The following SYT9 variants were observed in gnomAD, a reference collection of about 807,000 sequenced individuals.
The protein encoded by SYT9 is synaptotagmin 9, also known as synaptotagmin-9.
SYT9 carries 22 observed loss-of-function variants against 48.4 expected under a neutral mutation model. The observed-to-expected ratio is 0.45, with a 90% CI of 0.32 to 0.65. SYT9 has a LOEUF of 0.65. Among genes scored for constraint, SYT9 ranks in the 30% least tolerant of loss-of-function variants. SYT9 has a pLI of 0.03. For synonymous variants in SYT9, 265 were observed against 245.0 expected (o/e 1.08, Z -0.76); for missense variants, 577 against 622.0 (o/e 0.93, Z 0.77).
At position 7,309,874 on chromosome 11, in the gene SYT9, G is replaced by A. The variant is rs1298453366; in HGVS notation, c.498-3521G>A. On this transcript the variant is annotated intron_variant, in intron 2 of 6. Coordinates refer to ENST00000318881, the MANE Select transcript of SYT9 (RefSeq NM_175733.4). ...CTTCCGTGCCTCTCCCCGAACTCCA[G>A]TAAACTCTAACTCTCTTCTGAATGG... Among the ~76,000 whole-genome samples the A allele has an allele frequency of 2.0e-5, 3 of 152,182 alleles. No homozygotes were observed. In the East Asian group the frequency reaches 5.8e-4, roughly 30 times the overall value.
intron 3 of SYT9, among the ~76,000 whole-genome samples, chr11:7,384,377 A>C (rs994448375): frequency 6.6e-6 from 1 of 152,080 alleles, no homozygotes. Flanking sequence ...TGAGTTCTTG[A>C]TCTCTCCCAT....
chr11:7,305,723 A>G (rs1849018676), intron 2 of SYT9, among the ~76,000 whole-genome samples: 2 of 152,076 alleles, frequency 1.3e-5, no homozygotes, highest in South Asian at 4.1e-4. Context: ...CCCTGCCGAC[A>G]CCGTCTTACT....
At chr11:7,451,684 T>C (rs968241628) in intron 6 of SYT9, among the ~76,000 whole-genome samples, 7 of 152,140 alleles carry the variant, frequency 4.6e-5, no homozygotes, top group African/African-American at 1.2e-4. Context: ...GTTGGAACTA[T>C]CCGGAAAAGT....
intron 3 of SYT9, among the ~76,000 whole-genome samples, chr11:7,318,418 A>G (rs1361747612): frequency 2.6e-5 from 4 of 151,772 alleles, no homozygotes; most frequent in Non-Finnish European, 4.4e-5. Flanking sequence ...GGTTCAAGTG[A>G]TTCTCCTGCC....
chr11:7,464,171 T>C (rs78880186), intron 6 of SYT9, among the ~76,000 whole-genome samples: 7,669 of 152,064 alleles, frequency 0.05, 203 homozygotes, highest in East Asian at 0.074. Flanking sequence ...CACAGAACTG[T>C]GGGGGCAAAC....
At chr11:7,274,289 TCTTTC>T (rs886258699) in intron 1 of SYT9, among the ~76,000 whole-genome samples, 4 of 151,382 alleles carry the variant, frequency 2.6e-5, no homozygotes, top group African/African-American at 9.7e-5. Context: ...GATTCTACAC[TCTTTC>T]CTTATATCTG....
intron 1 of SYT9, among the ~76,000 whole-genome samples, chr11:7,291,159 C>T (rs191648493): frequency 1.8e-3 from 280 of 152,314 alleles, no homozygotes; most frequent in African/African-American, 6.5e-3. Context: ...TTTGGTTGAA[C>T]TCAACAGAAT....
At chr11:7,360,675 T>G (rs1353959955) in intron 3 of SYT9, among the ~76,000 whole-genome samples, 3 of 152,212 alleles carry the variant, frequency 2.0e-5, no homozygotes, top group African/African-American at 7.2e-5. Context: ...ATAGCTTTAT[T>G]CATAAAGGCA....
At chr11:7,245,604 G>GA (rs967814579) in intron 1 of SYT9, among the ~76,000 whole-genome samples, 5 of 152,090 alleles carry the variant, frequency 3.3e-5, no homozygotes, top group African/African-American at 9.6e-5. Flanking sequence ...AATTTAAAAA[G>GA]AAAAAACATT....
rs1279910938 is a variant in SYT9 at position 7,252,412 on chromosome 11, C to T, written c.145+81C>T. 5 of 1,327,250 alleles carry T rather than the reference C, an allele frequency of 3.8e-6. No homozygotes were observed. Among genetic ancestry groups the T allele is most frequent in the East Asian group, 3.1e-5 (1 of 32,052 alleles). The allele number at this position is 1,327,250 out of a possible 1,614,324, so 82.2% of individuals were successfully genotyped here. The stretch of plus-strand genomic sequence containing the variant: ...GGCCGCACCGGGGCCTGAGGCAGAA[C>T]AGCGACGCGGACTGGGAGAGGGCGG... On this transcript the variant is annotated intron_variant, in intron 1 of 6. Coordinates refer to ENST00000318881, the MANE Select transcript of SYT9 (RefSeq NM_175733.4). This position sits in a 1 kb window ranked among gnomAD's most constrained non-coding sequence, Gnocchi z 6.3.
At chr11:7,316,228 C>T (rs1224069779) in intron 3 of SYT9, among the ~76,000 whole-genome samples, 1 of 151,926 alleles carries the variant, frequency 6.6e-6, no homozygotes, top group Non-Finnish European at 1.5e-5. Context: ...AAGAATAGAA[C>T]ATTACTTCTA....
At chr11:7,311,591 G>A (rs1416320445) in intron 2 of SYT9, among the ~76,000 whole-genome samples, 9 of 152,208 alleles carry the variant, frequency 5.9e-5, no homozygotes, top group Admixed American at 5.2e-4. Context: ...TATTGAGGAT[G>A]CACTTTTATC....
intron 3 of SYT9, among the ~76,000 whole-genome samples, chr11:7,353,046 A>G (rs146764124): frequency 1.6e-4 from 24 of 152,236 alleles, no homozygotes; most frequent in South Asian, 4.1e-4. Context: ...GTGCCCCCCA[A>G]TTTTTTGATG....
chr11:7,382,941 C>T lies in SYT9; in HGVS notation c.1045-33101C>T, dbSNP rs139861940. ...CTCAGAAATTGTCATCCTCCAGGCA[C>T]ACTTCCAATTCAATTAATCATGTTA... On this transcript the variant is annotated intron_variant, in intron 3 of 6. Transcript: ENST00000318881. 6.0e-4 allele frequency among the ~76,000 whole-genome samples: 91 copies of T among 152,320 alleles called. 3 individuals carry two copies. The East Asian group carries it at 0.01, about 17-fold the overall frequency.
chr11:7,278,400 C>A (rs1271605905), intron 1 of SYT9, among the ~76,000 whole-genome samples: 1 of 152,176 alleles, frequency 6.6e-6, no homozygotes, highest in Non-Finnish European at 1.5e-5. Context: ...GACATTCAAA[C>A]CATAGCAACC....
chr11:7,395,795 C>G (rs1242051446), intron 3 of SYT9, among the ~76,000 whole-genome samples: 1 of 151,742 alleles, frequency 6.6e-6, no homozygotes, highest in Non-Finnish European at 1.5e-5. Flanking sequence ...TTTATTCATC[C>G]TGTCACTCTA....
chr11:7,247,599 G>A (rs189637714), upstream of SYT9, among the ~76,000 whole-genome samples: 61 of 141,436 alleles, frequency 4.3e-4, no homozygotes, highest in East Asian at 5.1e-3. Flanking sequence ...GTATATATAC[G>A]TATATATACA....
chr11:7,458,805 AGCTC>A (rs1848195352), intron 6 of SYT9, among the ~76,000 whole-genome samples: 1 of 152,212 alleles, frequency 6.6e-6, no homozygotes, highest in Admixed American at 6.5e-5. Context: ...CAGCGGGCAG[AGCTC>A]AGGTAACTGG....
chr11:7,302,270 A>G (rs933466085), intron 1 of SYT9, among the ~76,000 whole-genome samples: 1 of 152,260 alleles, frequency 6.6e-6, no homozygotes, highest in African/African-American at 2.4e-5. Flanking sequence ...AAGCCTCCAT[A>G]GCAGGTTTAA....
Sources: gnomAD v4.1 joint callset for allele counts (sites outside exome capture counted in the v4.1 genomes callset) on GRCh38, gnomAD v4.1.1 for gene constraint, Gnocchi (gnomAD v3.1) non-coding constraint, MANE v1.5 for transcripts, NCBI Gene and HGNC (gene_info 2026-07-23, HGNC 2026-07-21) for gene names.